Variants in GNAO1 observed in about 807,000 individuals in gnomAD.
The protein encoded by GNAO1 is G protein subunit alpha o1.
For missense variants in GNAO1, 166 were observed against 478.7 expected, an observed-to-expected ratio of 0.35 and a Z score of 6.10; for synonymous variants, 164 against 180.7, an observed-to-expected ratio of 0.91 and a Z score of 0.74.
At chr16:56,345,923 T>G (rs533535980) in intron 6 of GNAO1, 1 of 985,542 alleles carries the variant, frequency 1.0e-6, no homozygotes, top group African/African-American at 1.7e-5. Context: ...GTCACTGGGC[T>G]GGAGGGCTCT....
intron 2 of GNAO1, among the ~76,000 whole-genome samples, chr16:56,215,355 C>A (rs2036428524): frequency 6.6e-6 from 1 of 152,206 alleles, no homozygotes; most frequent in African/African-American, 2.4e-5. Flanking sequence ...TGCACTACTA[C>A]CAGAACAGAA....
chr16:56,265,995 C>A (rs984289726), intron 2 of GNAO1, among the ~76,000 whole-genome samples: 3 of 152,118 alleles, frequency 2.0e-5, no homozygotes, highest in Non-Finnish European at 4.4e-5. Context: ...CTGCCTGTTG[C>A]GTTCTTCCTC....
At chr16:56,245,310 T>A (rs375826566) in intron 2 of GNAO1, among the ~76,000 whole-genome samples, 1 of 152,152 alleles carries the variant, frequency 6.6e-6, no homozygotes, top group East Asian at 1.9e-4. Flanking sequence ...TTGTATGGAT[T>A]TGGCTTGGAA....
At chr16:56,298,742 G>A (rs1430345138) in intron 3 of GNAO1, among the ~76,000 whole-genome samples, 1 of 151,760 alleles carries the variant, frequency 6.6e-6, no homozygotes, top group Admixed American at 6.6e-5. Context: ...GAAACCCCAT[G>A]TCTACTAAAA....
chr16:56,234,692 G>T (rs1215402805), intron 2 of GNAO1, among the ~76,000 whole-genome samples: 3 of 152,192 alleles, frequency 2.0e-5, no homozygotes, highest in African/African-American at 7.2e-5. Context: ...TTTTGAGGGA[G>T]TGTGGTTCAG....
chr16:56,228,454 T>C (rs1370595322), intron 2 of GNAO1, among the ~76,000 whole-genome samples: 2 of 151,092 alleles, frequency 1.3e-5, no homozygotes, highest in Non-Finnish European at 2.9e-5. Context: ...TATATACATA[T>C]ATATTTATTT....
intron 3 of GNAO1, among the ~76,000 whole-genome samples, chr16:56,288,361 T>C (rs1039095537): frequency 6.6e-6 from 1 of 152,134 alleles, no homozygotes; most frequent in South Asian, 2.1e-4. Flanking sequence ...GACAAAGAGC[T>C]GAAGGGATTG....
At chr16:56,261,757 T>A (rs1165634006) in intron 2 of GNAO1, among the ~76,000 whole-genome samples, 3 of 152,138 alleles carry the variant, frequency 2.0e-5, no homozygotes, top group African/African-American at 7.2e-5. Context: ...TGTCCTATGG[T>A]GGTGTAACCC....
At chr16:56,245,991 A>G (rs1416292897) in intron 2 of GNAO1, among the ~76,000 whole-genome samples, 1 of 152,198 alleles carries the variant, frequency 6.6e-6, no homozygotes, top group Non-Finnish European at 1.5e-5. Flanking sequence ...GCCCACACCC[A>G]TAATTACTGC....
At chr16:56,353,742 T>G (rs2037945018) in intron 7 of GNAO1, among the ~76,000 whole-genome samples, 1 of 152,202 alleles carries the variant, frequency 6.6e-6, no homozygotes, top group Non-Finnish European at 1.5e-5. Context: ...GTCCAATCCT[T>G]AACAGCTGTG....
At chr16:56,246,007 T>C (rs1214376387) in intron 2 of GNAO1, among the ~76,000 whole-genome samples, 1 of 152,184 alleles carries the variant, frequency 6.6e-6, no homozygotes, top group Non-Finnish European at 1.5e-5. Flanking sequence ...ACTGCCCTGC[T>C]TCCTCCCAGC....
chr16:56,329,025 G>A, intron 4 of GNAO1: 1 of 512,244 alleles, frequency 2.0e-6, no homozygotes, highest in South Asian at 2.4e-5. Context: ...CAACCAAACA[G>A]TGGAAATTCC....
At chr16:56,291,565 G>A (rs2037232748) in intron 3 of GNAO1, among the ~76,000 whole-genome samples, 1 of 152,130 alleles carries the variant, frequency 6.6e-6, no homozygotes, top group South Asian at 2.1e-4. Context: ...TTCGAATTTT[G>A]TGATGGTGCC....
intron 2 of GNAO1, among the ~76,000 whole-genome samples, chr16:56,217,140 T>G (rs938447752): frequency 2.0e-5 from 3 of 152,182 alleles, no homozygotes; most frequent in Admixed American, 2.0e-4. Flanking sequence ...AGCTCAAGAT[T>G]GATTGGTAAG....
intron 3 of GNAO1, among the ~76,000 whole-genome samples, chr16:56,327,301 C>A (rs1403464185): frequency 5.9e-5 from 9 of 152,124 alleles, no homozygotes; most frequent in African/African-American, 1.9e-4. Flanking sequence ...GGAGCTGGCA[C>A]AGTGCCACTG....
At chr16:56,350,823 CAGG>C (rs1220919494) in intron 6 of GNAO1, among the ~76,000 whole-genome samples, 1 of 152,158 alleles carries the variant, frequency 6.6e-6, no homozygotes, top group Non-Finnish European at 1.5e-5. Flanking sequence ...AGGATGGGCC[CAGG>C]AGGAGAGGTC....
At chr16:56,333,449 A>T (rs964061079) in intron 4 of GNAO1, among the ~76,000 whole-genome samples, 1 of 152,104 alleles carries the variant, frequency 6.6e-6, no homozygotes, top group Non-Finnish European at 1.5e-5. Context: ...TGACCTCATG[A>T]TCCGCCCACC....
chr16:56,219,106 A>G (rs1364550604), intron 2 of GNAO1, among the ~76,000 whole-genome samples: 1 of 152,164 alleles, frequency 6.6e-6, no homozygotes, highest in Non-Finnish European at 1.5e-5. Context: ...CCCTAGGAAT[A>G]TCATGGGGCA....
At chr16:56,194,187 C>G (rs1283448550) in intron 2 of GNAO1, 1 of 456,338 alleles carries the variant, frequency 2.2e-6, no homozygotes, top group Admixed American at 2.3e-5. Flanking sequence ...CTTCGCAGAG[C>G]CCCCCTTGGC....
Sources: gnomAD v4.1 joint callset for allele counts (sites outside exome capture counted in the v4.1 genomes callset) on GRCh38, gnomAD v4.1.1 for gene constraint, MANE v1.5 for transcripts, NCBI Gene and HGNC (gene_info 2026-07-23, HGNC 2026-07-21) for gene names.